The following AMBRA1 variants were observed in gnomAD, a reference collection of about 807,000 sequenced individuals.
The protein encoded by AMBRA1 is autophagy and beclin 1 regulator 1.
In AMBRA1, 47 loss-of-function variants were observed where a neutral mutation model predicts 125.4. The observed-to-expected ratio is 0.37, with a 90% confidence interval of 0.30 to 0.48. The LOEUF is 0.48. Ranked by LOEUF, AMBRA1 falls within the 20% of genes least tolerant of loss-of-function variation. The pLI is 0.99. For missense variants in AMBRA1, 1,331 were observed against 1,693.4 expected, an observed-to-expected ratio of 0.79 and a Z score of 3.76; for synonymous variants, 626 against 655.5, an observed-to-expected ratio of 0.95 and a Z score of 0.69.
At chr11:46,518,429 CAAAAAAAAAAAAA>C (rs761919668) in intron 7 of AMBRA1, 6 of 58,398 alleles carry the variant, frequency 1.0e-4, no homozygotes, top group East Asian at 8.5e-4. Flanking sequence ...GACTCCGTCT[CAAAAAAAAAAAAA>C]AAAAAAAAAA....
intron 1 of AMBRA1, among the ~76,000 whole-genome samples, chr11:46,562,420 T>G (rs555047745): frequency 6.6e-6 from 1 of 152,326 alleles, no homozygotes; most frequent in South Asian, 2.1e-4. Context: ...TTAGAGGATT[T>G]TAGCTAAGGA....
intron 14 of AMBRA1, among the ~76,000 whole-genome samples, chr11:46,425,209 T>C (rs1947062608): frequency 1.3e-5 from 2 of 152,158 alleles, no homozygotes; most frequent in Admixed American, 1.3e-4. Flanking sequence ...CACAAGTTCT[T>C]GAACTTCTGT....
At position 46,486,084 on chromosome 11, in the gene AMBRA1, G is replaced by A. The variant is rs145314974; in HGVS notation, c.2521+7524C>T. ...TATTCCCTTCACTTTCATCACTGGA[G>A]CAGAATGAAATGTAATTGGGTTAAT... is the stretch of plus-strand genomic sequence containing the variant. On this transcript the variant is annotated intron_variant, in intron 11 of 17. Transcript: ENST00000683756. Among the ~76,000 whole-genome samples the A allele has an allele frequency of 2.1e-3, 325 of 152,286 alleles. 3 individuals carry two copies. The highest frequency in any genetic ancestry group is 2.5e-3 in the Non-Finnish European group (167 of 68,016).
chr11:46,489,009 T>A (rs930782986), intron 11 of AMBRA1, among the ~76,000 whole-genome samples: 3 of 151,988 alleles, frequency 2.0e-5, no homozygotes, highest in African/African-American at 7.2e-5. Context: ...TTAACGCCAT[T>A]CTCCTGCCTC....
intron 1 of AMBRA1, among the ~76,000 whole-genome samples, chr11:46,553,823 G>A (rs1258640928): frequency 1.3e-5 from 2 of 151,962 alleles, no homozygotes; most frequent in East Asian, 1.9e-4. Flanking sequence ...CCTAAGGAGT[G>A]ACAAAGAAAC....
rs1252413055 is a variant in AMBRA1 at position 46,435,028 on chromosome 11, T to C, written c.2642A>G (p.Asn881Ser). 1 of 1,607,206 alleles carries C rather than the reference T, an allele frequency of 6.2e-7. No homozygotes were observed. Among genetic ancestry groups the C allele is most frequent in the Non-Finnish European group, 8.5e-7 (1 of 1,176,528 alleles). Reference sequence around the variant, plus strand: ...GATCTTGCAGTTCTGCACCAGCACATTCACGGAAGCTGCATCAGACAAAGA... The same window carrying C: ...GATCTTGCAGTTCTGCACCAGCACACTCACGGAAGCTGCATCAGACAAAGA... Reference protein sequence around the residue: ...DLPEISNASVNVLVQNCKIYN... With the variant: ...DLPEISNASVSVLVQNCKIYN... Residue 881 changes from asparagine to serine, a missense_variant, in exon 13 of 18, where the codon AAT becomes AGT. Asn to Ser is a conservative substitution (Grantham distance 46). This residue lies in a region of AMBRA1 where 354 missense variants were observed against 532.7 expected (regional missense o/e 0.66). Coordinates refer to ENST00000683756, the MANE Select transcript of AMBRA1 (RefSeq NM_001387011.1).
chr11:46,538,773 C>T (rs185102570), intron 7 of AMBRA1, among the ~76,000 whole-genome samples: 2 of 152,292 alleles, frequency 1.3e-5, no homozygotes, highest in Admixed American at 6.5e-5. Flanking sequence ...GCTGGGATTA[C>T]AGGCGTGAGC....
At chr11:46,534,719 G>C (rs375346909) in intron 7 of AMBRA1, among the ~76,000 whole-genome samples, 1 of 152,166 alleles carries the variant, frequency 6.6e-6, no homozygotes, top group Admixed American at 6.5e-5. Context: ...TGTTGCCCAG[G>C]CTGCAGTGCA....
rs1167178120 is a variant in AMBRA1, at chr11:46,495,160, A to AT, written c.2340-957dup. 2.0e-5 allele frequency: 3 copies of AT among 152,370 alleles called. No homozygotes were observed. The East Asian group carries it at 5.8e-4, about 29-fold the overall frequency. The allele number at this position is 152,370 out of a possible 1,614,324, so 9.4% of individuals were successfully genotyped here. ...TTTTAGTTTCCAGTACATCAAAAGAATAATAAGCCAAAGGGCACTGGCTGG... is the reference window on the plus strand; with the variant it reads ...TTTTAGTTTCCAGTACATCAAAAGAATTAATAAGCCAAAGGGCACTGGCTGG... On this transcript the variant is annotated intron_variant, in intron 9 of 17. Transcript: ENST00000683756.
intron 7 of AMBRA1, among the ~76,000 whole-genome samples, chr11:46,520,771 A>AT (rs35987296): frequency 0.17 from 22,085 of 130,666 alleles, 1,670 homozygotes; most frequent in Non-Finnish European, 0.19. Context: ...AATTTTTTGT[A>AT]TTTTTTTTTT....
chr11:46,518,510 A>G (rs1046364308), intron 7 of AMBRA1: 1 of 153,106 alleles, frequency 6.5e-6, no homozygotes, highest in African/African-American at 2.4e-5. Context: ...CTAATGCTCT[A>G]CAGCAGGTTT....
chr11:46,548,171 C>T lies in AMBRA1; in HGVS notation c.135+75G>A, dbSNP rs2042884648. 9 of 1,590,346 alleles carry T rather than the reference C, an allele frequency of 5.7e-6. No homozygotes were observed. The East Asian group carries it at 2.0e-4, about 36-fold the overall frequency. On this transcript the variant is annotated intron_variant, in intron 2 of 17. Transcript: ENST00000683756. ...AAGATAAATATATCCCAACTCTCTG[C>T]TGTTAACCCATTCTAAGGTCTCATT... is the stretch of plus-strand genomic sequence containing the variant.
chr11:46,532,593 T>C (rs1003786713), intron 7 of AMBRA1, among the ~76,000 whole-genome samples: 4 of 152,116 alleles, frequency 2.6e-5, no homozygotes, highest in African/African-American at 7.2e-5. Context: ...CCCACCACCA[T>C]GCCCAGCTAA....
intron 4 of AMBRA1, chr11:46,546,038 T>C (rs1249716884): frequency 8.9e-6 from 2 of 224,358 alleles, no homozygotes. Flanking sequence ...TATTTCTTTT[T>C]TTTTTTTTTT....
chr11:46,585,444 G>C (rs2044335957), intron 1 of AMBRA1, among the ~76,000 whole-genome samples: 1 of 149,954 alleles, frequency 6.7e-6, no homozygotes, highest in African/African-American at 2.5e-5. Flanking sequence ...GAGGCAGGTG[G>C]ACCACGAGGT....
At chr11:46,435,069 G>C in intron 12 of AMBRA1, 32 bp from the exon 13 acceptor site, 1 of 1,548,856 alleles carries the variant, frequency 6.5e-7, no homozygotes, top group South Asian at 1.2e-5. Flanking sequence ...AAGAGGATAA[G>C]AAACTTTGGA....
At chr11:46,412,756 T>A (rs1432354556) in intron 15 of AMBRA1, among the ~76,000 whole-genome samples, 3 of 152,172 alleles carry the variant, frequency 2.0e-5, no homozygotes, top group Non-Finnish European at 2.9e-5. Context: ...GAGAACCAGA[T>A]GGGCATTGGA....
At position 46,432,597 on chromosome 11, in the gene AMBRA1, G is replaced by A. The variant is rs147492804; in HGVS notation, c.2976+877C>T. The stretch of plus-strand genomic sequence containing the variant: ...GCCATCTACATGCACAGCACTAAAT[G>A]AGGGACCTGAGGGATATCCCTCTAA... On this transcript the variant is annotated intron_variant, in intron 14 of 17. Transcript: ENST00000683756. Among the ~76,000 whole-genome samples, 9 of 152,270 alleles carry A rather than the reference G, an allele frequency of 5.9e-5. No individual in the cohort carries two copies. In the East Asian group the frequency reaches 1.5e-3, roughly 26 times the overall value.
At chr11:46,495,083 T>C (rs1950586491) in intron 9 of AMBRA1, 1 of 152,232 alleles carries the variant, frequency 6.6e-6, no homozygotes, top group African/African-American at 2.4e-5. Flanking sequence ...CCTAGATCTT[T>C]CCACTACATT....
Sources: gnomAD v4.1 joint callset for allele counts (sites outside exome capture counted in the v4.1 genomes callset) on GRCh38, gnomAD v4.1.1 for gene constraint, gnomAD v4.1.1 regional missense constraint, MANE v1.5 for transcripts, NCBI Gene and HGNC (gene_info 2026-07-23, HGNC 2026-07-21) for gene names.